Variants in SNX18 observed in about 807,000 individuals in gnomAD.
The protein encoded by SNX18 is sorting nexin-18.
SNX18 carries 35 observed loss-of-function variants against 48.7 expected under a neutral mutation model. The observed-to-expected ratio is 0.72, with a 90% CI of 0.55 to 0.95. SNX18 has a LOEUF of 0.95. Ranked by LOEUF, SNX18 falls within the 40% of genes least tolerant of loss-of-function variation. The pLI, the probability that SNX18 is intolerant of heterozygous loss-of-function variation, is 0.00. For synonymous variants in SNX18, 492 were observed against 384.7 expected, an observed-to-expected ratio of 1.28 and a Z score of -3.26; for missense variants, 824 against 871.0, an observed-to-expected ratio of 0.95 and a Z score of 0.68.
the SNX18 span, among the ~76,000 whole-genome samples, chr5:54,557,053 C>T: frequency 6.6e-6 from 1 of 152,162 alleles, no homozygotes; most frequent in South Asian, 2.1e-4. Flanking sequence ...TCTTTGAGGA[C>T]CATCAGTTGA....
the SNX18 span, among the ~76,000 whole-genome samples, chr5:54,586,828 G>A: frequency 6.6e-6 from 1 of 152,138 alleles, no homozygotes; most frequent in African/African-American, 2.4e-5. Flanking sequence ...GTCAGGGCAA[G>A]CCAAGGATGG....
At chr5:54,526,021 T>C (rs1319782699) in intron 1 of SNX18, among the ~76,000 whole-genome samples, 3 of 152,110 alleles carry the variant, frequency 2.0e-5, no homozygotes, top group Non-Finnish European at 4.4e-5. Context: ...TGGTGAGGGT[T>C]CCCGGGTGTT....
the SNX18 span, among the ~76,000 whole-genome samples, chr5:54,582,242 A>C: frequency 6.6e-6 from 1 of 152,208 alleles, no homozygotes; most frequent in Non-Finnish European, 1.5e-5. Context: ...GGCACCAGGC[A>C]TCTTGTTCCT....
the SNX18 span, among the ~76,000 whole-genome samples, chr5:54,613,506 T>A: frequency 6.6e-6 from 1 of 152,104 alleles, no homozygotes. Context: ...GACCTACTCA[T>A]CTCTTAAAGG....
chr5:54,596,529 G>A, the SNX18 span, among the ~76,000 whole-genome samples: 2 of 152,160 alleles, frequency 1.3e-5, no homozygotes, highest in South Asian at 4.1e-4. Flanking sequence ...TCAACTAGAT[G>A]ATTAATAAAT....
At chr5:54,617,059 A>G in the SNX18 span, among the ~76,000 whole-genome samples, 1 of 152,340 alleles carries the variant, frequency 6.6e-6, no homozygotes, top group South Asian at 2.1e-4. Flanking sequence ...ATTTTGAGAT[A>G]TAAACACTGA....
the SNX18 span, among the ~76,000 whole-genome samples, chr5:54,584,736 T>G: frequency 1.3e-5 from 2 of 152,180 alleles, no homozygotes; most frequent in African/African-American, 4.8e-5. Flanking sequence ...GATTGGGGTT[T>G]GTGTGTGTAT....
chr5:54,578,502 G>T, the SNX18 span, among the ~76,000 whole-genome samples: 3 of 152,196 alleles, frequency 2.0e-5, no homozygotes, highest in Non-Finnish European at 4.4e-5. Flanking sequence ...GTCCAGCTAC[G>T]TACTTGGGAA....
the SNX18 span, among the ~76,000 whole-genome samples, chr5:54,560,024 A>G: frequency 6.6e-6 from 1 of 152,202 alleles, no homozygotes; most frequent in South Asian, 2.1e-4. Context: ...TTACACTCTC[A>G]GTGGGAATGT....
At chr5:54,523,354 C>T (rs1762067554) in intron 1 of SNX18, among the ~76,000 whole-genome samples, 1 of 152,106 alleles carries the variant, frequency 6.6e-6, no homozygotes, top group Non-Finnish European at 1.5e-5. Context: ...AAAGCTAAAT[C>T]TAGGTGGCAG....
chr5:54,579,975 C>T, the SNX18 span, among the ~76,000 whole-genome samples: 3 of 151,972 alleles, frequency 2.0e-5, no homozygotes, highest in East Asian at 5.8e-4. Context: ...CTGTTGTACC[C>T]AATAGTTGCC....
the SNX18 span, among the ~76,000 whole-genome samples, chr5:54,607,708 G>A: frequency 6.6e-5 from 10 of 152,216 alleles, 1 homozygote; most frequent in South Asian, 2.1e-3. Context: ...CGAGGCAGGC[G>A]GATCACTTGA....
At chr5:54,582,524 T>C in the SNX18 span, among the ~76,000 whole-genome samples, 5 of 152,098 alleles carry the variant, frequency 3.3e-5, no homozygotes. Context: ...TTTGGGAGGC[T>C]GAGGTATGAG....
chr5:54,626,781 G>GTT, the SNX18 span, among the ~76,000 whole-genome samples: 1 of 152,314 alleles, frequency 6.6e-6, no homozygotes, highest in African/African-American at 2.4e-5. Flanking sequence ...TAGTGCTAAG[G>GTT]TTCACAACTG....
At chr5:54,547,701 G>A (rs755220813), downstream of SNX18, among the ~76,000 whole-genome samples, 28 of 152,182 alleles carry the variant, frequency 1.8e-4, no homozygotes, top group Non-Finnish European at 8.8e-5. Flanking sequence ...GTATTGTTAT[G>A]AAGAGTGAGA....
the SNX18 span, among the ~76,000 whole-genome samples, chr5:54,567,740 G>A: frequency 6.6e-6 from 1 of 152,178 alleles, no homozygotes; most frequent in African/African-American, 2.4e-5. Flanking sequence ...GTGGCCATGG[G>A]ATGTAAGTAC....
the SNX18 span, among the ~76,000 whole-genome samples, chr5:54,575,014 A>G: frequency 6.6e-6 from 1 of 152,156 alleles, no homozygotes; most frequent in Non-Finnish European, 1.5e-5. Flanking sequence ...TTTTGGTCCA[A>G]TCTACTCTTG....
At chr5:54,589,865 C>T in the SNX18 span, among the ~76,000 whole-genome samples, 7 of 152,232 alleles carry the variant, frequency 4.6e-5, no homozygotes, top group African/African-American at 1.7e-4. Flanking sequence ...CTTGCTCTCT[C>T]AACTAAGCTG....
the SNX18 span, among the ~76,000 whole-genome samples, chr5:54,602,749 T>G: frequency 6.6e-6 from 1 of 152,168 alleles, no homozygotes; most frequent in Non-Finnish European, 1.5e-5. Context: ...GGCTTGGGGT[T>G]TTATACATTG....
Sources: gnomAD v4.1 joint callset for allele counts (sites outside exome capture counted in the v4.1 genomes callset) on GRCh38, gnomAD v4.1.1 for gene constraint, MANE v1.5 for transcripts, NCBI Gene and HGNC (gene_info 2026-07-23, HGNC 2026-07-21) for gene names.